The following PTPRK variants were observed in gnomAD, a reference collection of about 807,000 sequenced individuals.
PTPRK encodes receptor-type tyrosine-protein phosphatase kappa.
PTPRK carries 75 observed loss-of-function variants against 178.0 expected under a neutral mutation model. The ratio of observed to expected loss-of-function variants is 0.42; its 90% CI spans 0.35 to 0.51. The LOEUF (loss-of-function observed/expected upper bound fraction) is 0.51, where lower values mean the gene tolerates loss of function less well. Among genes scored for constraint, PTPRK ranks in the 20% least tolerant of loss-of-function variants. The pLI, the probability that PTPRK is intolerant of heterozygous loss-of-function variation, is 0.02. For synonymous variants in PTPRK, 637 were observed against 620.6 expected, an observed-to-expected ratio of 1.03 and a Z score of -0.39; for missense variants, 1,441 against 1,797.8, an observed-to-expected ratio of 0.80 and a Z score of 3.59.
chr6:128,480,737 G>A lies in PTPRK; in HGVS notation c.100+39522C>T, dbSNP rs796451221. 2.6e-5 allele frequency among the ~76,000 whole-genome samples: 4 copies of A among 152,240 alleles called. No homozygotes were observed. The South Asian group carries it at 8.3e-4, about 32-fold the overall frequency. The stretch of plus-strand genomic sequence containing the variant: ...TCACATAATTGGACGTGAAGCCAAG[G>A]CTACAAAGCCCAGGGTTCATGACTT... On this transcript the variant is annotated intron_variant, in intron 1 of 29. Coordinates refer to ENST00000368226, the MANE Select transcript of PTPRK (RefSeq NM_002844.4).
At chr6:128,044,433 G>C (rs1441212165) in intron 13 of PTPRK, among the ~76,000 whole-genome samples, 2 of 151,976 alleles carry the variant, frequency 1.3e-5, no homozygotes, top group Admixed American at 6.6e-5. Flanking sequence ...TATCCAGAGT[G>C]ATCCTTAAAA....
intron 3 of PTPRK, among the ~76,000 whole-genome samples, chr6:128,287,724 G>A (rs1822734429): frequency 6.6e-6 from 1 of 152,056 alleles, no homozygotes; most frequent in South Asian, 2.1e-4. Flanking sequence ...GTCATTCTTG[G>A]AAGATGAGCT....
intron 3 of PTPRK, among the ~76,000 whole-genome samples, chr6:128,302,391 C>CAAA (rs534525238): frequency 0.053 from 1,623 of 30,820 alleles, 149 homozygotes; most frequent in Non-Finnish European, 0.11. Flanking sequence ...GACTCAATTC[C>CAAA]AAAAAAAAAA....
intron 2 of PTPRK, among the ~76,000 whole-genome samples, chr6:128,328,262 G>A (rs2326681): frequency 0.97 from 147,832 of 152,308 alleles, 71,892 homozygotes; most frequent in East Asian, 1. Context: ...ACTATGACAG[G>A]GCAGGTAATG....
Position 128,170,765 on chromosome 6 carries a change from T to C in PTPRK, c.1162+13667A>G, listed in dbSNP as rs142915889. Among the ~76,000 whole-genome samples, 1,512 of 152,118 alleles carry C rather than the reference T, an allele frequency of 9.9e-3. 14 individuals carry two copies. The highest frequency in any genetic ancestry group is 0.018 in the African/African-American group (759 of 41,536). Reference sequence around the variant, plus strand: ...CAGAGAACATTTAAGCAGTACAAAATTTATCACTAAAATAATGAAAGTAAA... The same window carrying C: ...CAGAGAACATTTAAGCAGTACAAAACTTATCACTAAAATAATGAAAGTAAA... On this transcript the variant is annotated intron_variant, in intron 7 of 29. Coordinates refer to ENST00000368226, the MANE Select transcript of PTPRK (RefSeq NM_002844.4).
At chr6:128,356,005 G>A (rs1218720773) in intron 2 of PTPRK, among the ~76,000 whole-genome samples, 1 of 152,144 alleles carries the variant, frequency 6.6e-6, no homozygotes, top group African/African-American at 2.4e-5. Context: ...TTTGGGAAAA[G>A]TAAGTAAATG....
At chr6:128,053,090 G>T (rs1779300958) in intron 13 of PTPRK, among the ~76,000 whole-genome samples, 1 of 151,268 alleles carries the variant, frequency 6.6e-6, no homozygotes, top group Admixed American at 6.6e-5. Context: ...TGGATATTAG[G>T]CATATTTTCC....
intron 13 of PTPRK, among the ~76,000 whole-genome samples, chr6:128,016,824 T>G (rs1158767417): frequency 3.3e-5 from 5 of 151,314 alleles, no homozygotes; most frequent in Admixed American, 6.6e-5. Flanking sequence ...TCCAGTTACC[T>G]GTGCATAACT....
chr6:128,383,395 C>T (rs1838227208), intron 2 of PTPRK, among the ~76,000 whole-genome samples: 1 of 152,128 alleles, frequency 6.6e-6, no homozygotes, highest in Admixed American at 6.5e-5. Context: ...CCCACTCAGA[C>T]AATCCTCTTG....
intron 2 of PTPRK, among the ~76,000 whole-genome samples, chr6:128,381,065 T>C (rs2128356324): frequency 6.6e-6 from 1 of 152,306 alleles, no homozygotes; most frequent in South Asian, 2.1e-4. Flanking sequence ...GAGATACTTT[T>C]AACAATTTTT....
intron 7 of PTPRK, among the ~76,000 whole-genome samples, chr6:128,143,308 A>C (rs1583201046): frequency 1.3e-5 from 2 of 152,290 alleles, no homozygotes; most frequent in South Asian, 4.1e-4. Context: ...TATATAGAAA[A>C]GGAAGGGAAC....
chr6:128,328,589 G>C (rs111718542), intron 2 of PTPRK, among the ~76,000 whole-genome samples: 2 of 152,110 alleles, frequency 1.3e-5, no homozygotes, highest in African/African-American at 4.8e-5. Flanking sequence ...TAATGTATTT[G>C]TCAGAGTCAC....
intron 8 of PTPRK, 85 bp downstream of exon 8, chr6:128,089,605 T>G (rs1786569572): frequency 7.5e-7 from 1 of 1,335,916 alleles, no homozygotes; most frequent in African/African-American, 1.5e-5. Flanking sequence ...AATTCAGTAT[T>G]GGACAATCTT....
chr6:128,110,477 G>A (rs1359922809), intron 7 of PTPRK, among the ~76,000 whole-genome samples: 1 of 152,114 alleles, frequency 6.6e-6, no homozygotes, highest in East Asian at 1.9e-4. Context: ...TAGATGTGCA[G>A]AATCAGCTTC....
chr6:128,511,298 A>T (rs1364656633), intron 1 of PTPRK, among the ~76,000 whole-genome samples: 1 of 152,078 alleles, frequency 6.6e-6, no homozygotes, highest in Non-Finnish European at 1.5e-5. Context: ...CTTCCCCATC[A>T]TCTCCCATCT....
intron 2 of PTPRK, among the ~76,000 whole-genome samples, chr6:128,346,662 A>C (rs971110236): frequency 1.3e-5 from 2 of 152,142 alleles, no homozygotes; most frequent in African/African-American, 4.8e-5. Context: ...ATGGAGTAAG[A>C]CCAAACCAGT....
intron 7 of PTPRK, among the ~76,000 whole-genome samples, chr6:128,093,132 T>C (rs993899505): frequency 2.3e-4 from 35 of 152,332 alleles, no homozygotes; most frequent in Middle Eastern, 3.4e-3. Flanking sequence ...ATATGATATA[T>C]GTTCTTGCTC....
At chr6:128,362,561 A>AT (rs1834924717) in intron 2 of PTPRK, among the ~76,000 whole-genome samples, 1 of 152,222 alleles carries the variant, frequency 6.6e-6, no homozygotes, top group African/African-American at 2.4e-5. Flanking sequence ...AAAGTGATTT[A>AT]TAAATGTAAC....
At chr6:128,439,273 A>G (rs1845999782) in intron 1 of PTPRK, among the ~76,000 whole-genome samples, 1 of 152,196 alleles carries the variant, frequency 6.6e-6, no homozygotes, top group South Asian at 2.1e-4. Flanking sequence ...TGAGCACGGT[A>G]GATAACACCT....
Sources: allele counts gnomAD v4.1 joint callset (sites outside exome capture counted in the v4.1 genomes callset), GRCh38; gene constraint gnomAD v4.1.1; transcripts MANE v1.5; gene names NCBI Gene and HGNC (gene_info 2026-07-23, HGNC 2026-07-21).